Variants in SEPTIN6 observed in about 807,000 individuals in gnomAD.
SEPTIN6 encodes the protein septin-6.
Under a neutral mutation model 33.6 loss-of-function variants are expected in SEPTIN6, and 8 were observed. That is an observed-to-expected ratio of 0.24 (90% CI 0.14 to 0.43). The LOEUF is 0.43. Among genes scored for constraint, SEPTIN6 ranks in the 20% least tolerant of loss-of-function variants. The probability of loss-of-function intolerance (pLI) is 1.00; values close to 1 mark genes in which losing one functional copy is unlikely to be tolerated. For synonymous variants in SEPTIN6, 131 were observed against 140.0 expected, an observed-to-expected ratio of 0.94 and a Z score of 0.45; for missense variants, 250 against 340.8, an observed-to-expected ratio of 0.73 and a Z score of 2.10.
chrX:119,625,501 G>T, intron 9 of SEPTIN6, 122 bp from the exon 10 acceptor site: 1 of 603,756 alleles, frequency 1.7e-6, no homozygotes, highest in Non-Finnish European at 2.8e-6. Flanking sequence ...GGAAGGGGAA[G>T]TGGGAAGGGT....
intron 10 of SEPTIN6, among the ~76,000 whole-genome samples, chrX:119,621,784 G>A (rs1312704145): frequency 1.0e-5 from 1 of 95,916 alleles, no homozygotes; most frequent in African/African-American, 3.8e-5. Flanking sequence ...GAGCCATCAT[G>A]CCCAGCCAAC....
intron 7 of SEPTIN6, among the ~76,000 whole-genome samples, chrX:119,634,368 C>CA (rs1329538429): frequency 0.034 from 1,143 of 33,237 alleles, 25 homozygotes; most frequent in African/African-American, 0.11. Context: ...GACTCCATCT[C>CA]AAAAAAAAAA....
At chrX:119,681,346 C>T (rs1281118766) in intron 1 of SEPTIN6, among the ~76,000 whole-genome samples, 5 of 111,399 alleles carry the variant, frequency 4.5e-5, no homozygotes, top group African/African-American at 9.8e-5. Flanking sequence ...GAGATGGAAC[C>T]GGCAACTTGG....
chrX:119,626,241 G>C (rs2053854420), intron 9 of SEPTIN6, among the ~76,000 whole-genome samples: 2 of 111,889 alleles, frequency 1.8e-5, no homozygotes, highest in South Asian at 7.4e-4. Flanking sequence ...TCCCTGTTGG[G>C]GTCTCCTGCC....
intron 3 of SEPTIN6, among the ~76,000 whole-genome samples, chrX:119,661,275 A>G (rs1245693378): frequency 9.5e-6 from 1 of 104,782 alleles, no homozygotes; most frequent in African/African-American, 3.5e-5. Context: ...AATACAAAAA[A>G]AAAAAATTAG....
At chrX:119,627,222 T>C (rs1455557508) in intron 9 of SEPTIN6, among the ~76,000 whole-genome samples, 1 of 110,651 alleles carries the variant, frequency 9.0e-6, no homozygotes, top group East Asian at 2.8e-4. Context: ...CTCAGTACCC[T>C]TCAGTAAAGA....
intron 3 of SEPTIN6, among the ~76,000 whole-genome samples, chrX:119,663,066 C>A (rs1000802636): frequency 1.6e-4 from 18 of 111,944 alleles, no homozygotes; most frequent in Admixed American, 1.3e-3. Context: ...TCTCTTTGTA[C>A]CCTGTCCTTT....
chrX:119,691,146 C>G (rs752257133), intron 1 of SEPTIN6, among the ~76,000 whole-genome samples: 1 of 111,437 alleles, frequency 9.0e-6, no homozygotes, highest in African/African-American at 3.3e-5. Flanking sequence ...CCCTAAAGCA[C>G]CCCCTCACCC....
intron 3 of SEPTIN6, among the ~76,000 whole-genome samples, chrX:119,659,716 G>A (rs891924703): frequency 6.3e-5 from 7 of 111,264 alleles, no homozygotes; most frequent in African/African-American, 1.6e-4. Context: ...CTGAGGCATA[G>A]AAAATTTAAG....
intron 10 of SEPTIN6, among the ~76,000 whole-genome samples, chrX:119,623,883 T>C: frequency 9.0e-6 from 1 of 111,725 alleles, no homozygotes; most frequent in Non-Finnish European, 1.9e-5. Context: ...TTATGTTAAA[T>C]TAAAAATGTT....
chrX:119,652,898 G>A lies in SEPTIN6; in HGVS notation c.484C>T (p.Leu162=), dbSNP rs1569430753. The A allele has an allele frequency of 8.3e-7, 1 of 1,210,934 alleles. No individual in the cohort carries two copies. The change falls in exon 4 of 11, where the codon CTG becomes TTG. Residue 162 remains leucine (L), a synonymous_variant. Coordinates refer to ENST00000394610, the MANE Select transcript of SEPTIN6 (RefSeq NM_145799.4). ...LYFIAPTGHS[L]KSLDLVTMKK... is the part of the protein sequence containing the mutation. ...ATAGTCACTAGGTCCAGAGACTTCA[G>A]GGAATGACCCGTGGGGGCAATGAAA...
Position 119,618,978 on chromosome X carries a change from G to T in SEPTIN6, c.*1115C>A. ...GACCCATGATAAAAACTTAGGGCTG[G>T]AATATTTTTAAACTCTCAACTCCTT... On this transcript the variant is annotated 3_prime_UTR_variant, in exon 11 of 11. Transcript: ENST00000394610. 1.0e-6 allele frequency: 1 copy of T among 976,965 alleles called. No individual in the cohort carries two copies. 80.5% of individuals were successfully genotyped at this position (976,965 alleles called of 1,213,427 possible). A position where few individuals can be genotyped will look rare whatever the true frequency, so the allele number is the denominator to read the frequency against.
chrX:119,638,779 C>G (rs1293654953), intron 6 of SEPTIN6, among the ~76,000 whole-genome samples: 2 of 112,279 alleles, frequency 1.8e-5, no homozygotes, highest in Non-Finnish European at 1.9e-5. Context: ...GGACAGTGAT[C>G]TCTAATGGTG....
chrX:119,624,337 G>A (rs1457694293), intron 10 of SEPTIN6, among the ~76,000 whole-genome samples: 3 of 109,299 alleles, frequency 2.7e-5, no homozygotes, highest in African/African-American at 6.7e-5. Context: ...CACCACGCCC[G>A]GCTAATTTTG....
At chrX:119,640,629 G>T (rs1569425508) in intron 6 of SEPTIN6, 63 bp downstream of exon 6, 12 of 910,094 alleles carry the variant, frequency 1.3e-5, no homozygotes, top group Non-Finnish European at 1.9e-5. Context: ...AGTGGCTGGG[G>T]ACAAACAAAG....
intron 9 of SEPTIN6, among the ~76,000 whole-genome samples, chrX:119,626,093 G>C (rs964696790): frequency 8.9e-6 from 1 of 112,202 alleles, no homozygotes; most frequent in Non-Finnish European, 1.9e-5. Context: ...TGGAAGTACA[G>C]AAGAAGACAG....
At chrX:119,688,994 G>A (rs2055110056) in intron 1 of SEPTIN6, among the ~76,000 whole-genome samples, 2 of 111,107 alleles carry the variant, frequency 1.8e-5, no homozygotes, top group Admixed American at 1.9e-4. Flanking sequence ...CGTGATGATA[G>A]CAAAACCAGA....
intron 5 of SEPTIN6, among the ~76,000 whole-genome samples, chrX:119,649,487 TAAAAA>T (rs550577767): frequency 1.2e-5 from 1 of 81,128 alleles, no homozygotes; most frequent in Admixed American, 1.5e-4. Flanking sequence ...GATCCTGTCT[TAAAAA>T]AAAAAAAAAA....
At position 119,619,557 on chromosome X, in the gene SEPTIN6, A is replaced by C; in HGVS notation, c.*536T>G. 3 of 818,057 alleles carry C rather than the reference A, an allele frequency of 3.7e-6. No individual in the cohort carries two copies. In the East Asian group the frequency reaches 2.0e-4, roughly 53 times the overall value. 67.4% of individuals were successfully genotyped at this position (818,057 alleles called of 1,213,427 possible). ...AAAGGCGCCAAAGGCTGTCCTTTTGAAACCCTCTAAGAAATGGCTGTGGCT... is the reference window on the plus strand; with the variant it reads ...AAAGGCGCCAAAGGCTGTCCTTTTGCAACCCTCTAAGAAATGGCTGTGGCT... On this transcript the variant is annotated 3_prime_UTR_variant, in exon 11 of 11. Coordinates refer to ENST00000394610, the MANE Select transcript of SEPTIN6 (RefSeq NM_145799.4).
Sources: gnomAD v4.1 joint callset for allele counts (sites outside exome capture counted in the v4.1 genomes callset) on GRCh38, gnomAD v4.1.1 for gene constraint, MANE v1.5 for transcripts, NCBI Gene and HGNC (gene_info 2026-07-23, HGNC 2026-07-21) for gene names.